The following TMEM178B variants were observed in gnomAD, a reference collection of about 807,000 sequenced individuals.
TMEM178B encodes the protein transmembrane protein 178B.
TMEM178B carries 5 observed loss-of-function variants against 31.0 expected under a neutral mutation model. The observed-to-expected ratio is 0.16, with a 90% CI of 0.08 to 0.34. The LOEUF is 0.34. Ranked by LOEUF, TMEM178B falls within the 10% of genes least tolerant of loss-of-function variation. TMEM178B has a pLI of 1.00. For synonymous variants in TMEM178B, 164 were observed against 164.0 expected (o/e 1.00, Z 0.00); for missense variants, 275 against 400.3 (o/e 0.69, Z 2.67).
At chr7:141,436,896 C>T (rs552939523) in intron 2 of TMEM178B, among the ~76,000 whole-genome samples, 75 of 152,220 alleles carry the variant, frequency 4.9e-4, no homozygotes, top group African/African-American at 1.6e-3. Context: ...GGGGCTGACC[C>T]GGGGGTGGAG....
chr7:141,347,218 C>A (rs1799635475), intron 2 of TMEM178B, among the ~76,000 whole-genome samples: 1 of 152,108 alleles, frequency 6.6e-6, no homozygotes, highest in African/African-American at 2.4e-5. Context: ...CGAGAACAGC[C>A]TAATATACTC....
At chr7:141,210,368 C>A (rs1797034723) in intron 1 of TMEM178B, among the ~76,000 whole-genome samples, 1 of 152,126 alleles carries the variant, frequency 6.6e-6, no homozygotes, top group Non-Finnish European at 1.5e-5. Flanking sequence ...GGGGCTGAGG[C>A]AGGAGAATTG....
chr7:141,371,789 C>T (rs1800121957), intron 2 of TMEM178B, among the ~76,000 whole-genome samples: 1 of 152,156 alleles, frequency 6.6e-6, no homozygotes, highest in African/African-American at 2.4e-5. Flanking sequence ...GCCCATCTGT[C>T]CACCTACACA....
intron 1 of TMEM178B, among the ~76,000 whole-genome samples, chr7:141,204,852 GCT>G (rs1164952406): frequency 2.0e-5 from 3 of 152,108 alleles, no homozygotes; most frequent in Non-Finnish European, 4.4e-5. Flanking sequence ...ACAGGATCTT[GCT>G]CTGTCACCCA....
At chr7:141,096,436 A>G (rs1318499866) in intron 1 of TMEM178B, among the ~76,000 whole-genome samples, 4 of 152,192 alleles carry the variant, frequency 2.6e-5, no homozygotes, top group Non-Finnish European at 5.9e-5. Flanking sequence ...GGGTGACGTT[A>G]GAAGGCAAGG....
At position 141,226,121 on chromosome 7, in the gene TMEM178B, C is replaced by T. The variant is rs183181527; in HGVS notation, c.496+13417C>T. Among the ~76,000 whole-genome samples the T allele has an allele frequency of 1.7e-3, 254 of 152,294 alleles. 2 individuals are homozygous for T. Among genetic ancestry groups the T allele is most frequent in the African/African-American group, 5.4e-3 (226 of 41,552 alleles). On this transcript the variant is annotated intron_variant, in intron 2 of 3. Transcript: ENST00000565468. The stretch of plus-strand genomic sequence containing the variant: ...CCATCCACCACCCCATCCACTGCCT[C>T]ACTCTTGGAGCTTCTAGTGCTGCAC...
At chr7:141,165,996 A>C (rs780866115) in intron 1 of TMEM178B, among the ~76,000 whole-genome samples, 1 of 152,188 alleles carries the variant, frequency 6.6e-6, no homozygotes, top group Non-Finnish European at 1.5e-5. Flanking sequence ...ACAGCCGTGG[A>C]AATGTAGTCT....
intron 2 of TMEM178B, among the ~76,000 whole-genome samples, chr7:141,239,948 AC>A (rs1369905954): frequency 6.6e-6 from 1 of 152,248 alleles, no homozygotes; most frequent in Admixed American, 6.5e-5. Flanking sequence ...TCTTGTAGCC[AC>A]CTAAAAAAAT....
chr7:141,388,375 C>T (rs559481707), intron 2 of TMEM178B, among the ~76,000 whole-genome samples: 16 of 152,290 alleles, frequency 1.1e-4, no homozygotes, highest in Admixed American at 3.3e-4. Context: ...CTAATAATAC[C>T]GCCTGTTTTG....
chr7:141,360,670 T>C (rs1799903057), intron 2 of TMEM178B, among the ~76,000 whole-genome samples: 1 of 152,196 alleles, frequency 6.6e-6, no homozygotes, highest in Non-Finnish European at 1.5e-5. Flanking sequence ...GTTAGCGTTA[T>C]GTAGGATAAA....
chr7:141,249,987 A>G lies in TMEM178B; in HGVS notation c.496+37283A>G, dbSNP rs188149420. ...TTTAAACTTACAAGACCAACATCGT[A>G]GAGATGAATTCTTTTTAAAGAAATA... On this transcript the variant is annotated intron_variant, in intron 2 of 3. Transcript: ENST00000565468. Among the ~76,000 whole-genome samples the G allele has an allele frequency of 7.9e-5, 12 of 152,368 alleles. No homozygotes were observed. In the East Asian group the frequency reaches 2.3e-3, roughly 29 times the overall value.
At chr7:141,134,517 G>A (rs1321290769) in intron 1 of TMEM178B, among the ~76,000 whole-genome samples, 1 of 152,146 alleles carries the variant, frequency 6.6e-6, no homozygotes, top group Non-Finnish European at 1.5e-5. Context: ...ATGAAAGCAG[G>A]TGGTAGAGCA....
At chr7:141,405,737 C>G (rs1279315460) in intron 2 of TMEM178B, among the ~76,000 whole-genome samples, 1 of 152,090 alleles carries the variant, frequency 6.6e-6, no homozygotes, top group Non-Finnish European at 1.5e-5. Flanking sequence ...GGGAAAGGGT[C>G]TACAAAAAAG....
chr7:141,331,372 G>C (rs1338575323), intron 2 of TMEM178B, among the ~76,000 whole-genome samples: 1 of 152,222 alleles, frequency 6.6e-6, no homozygotes, highest in Non-Finnish European at 1.5e-5. Context: ...TGGTCTGTGA[G>C]TTGTTGGAAA....
intron 2 of TMEM178B, among the ~76,000 whole-genome samples, chr7:141,244,475 G>C (rs568393392): frequency 2.6e-5 from 4 of 152,244 alleles, no homozygotes; most frequent in Non-Finnish European, 4.4e-5. Context: ...TGGTGGGCTA[G>C]AAAGGCTATA....
chr7:141,436,568 C>CAG (rs1053595768), intron 2 of TMEM178B, among the ~76,000 whole-genome samples: 5 of 151,842 alleles, frequency 3.3e-5, no homozygotes, highest in Non-Finnish European at 7.4e-5. Flanking sequence ...GTGGCATGAG[C>CAG]AGAGGGTCAG....
At chr7:141,132,352 G>C (rs1441135628) in intron 1 of TMEM178B, among the ~76,000 whole-genome samples, 1 of 152,142 alleles carries the variant, frequency 6.6e-6, no homozygotes, top group Non-Finnish European at 1.5e-5. Flanking sequence ...CCAGCTTTCA[G>C]ATCAGTGCTG....
chr7:141,207,756 G>A (rs902656015), intron 1 of TMEM178B, among the ~76,000 whole-genome samples: 1 of 152,122 alleles, frequency 6.6e-6, no homozygotes, highest in Non-Finnish European at 1.5e-5. Flanking sequence ...CATGACTGAG[G>A]GTTTAAAGTG....
intron 1 of TMEM178B, among the ~76,000 whole-genome samples, chr7:141,112,742 G>A (rs1028661296): frequency 1.3e-5 from 2 of 152,120 alleles, no homozygotes; most frequent in Non-Finnish European, 2.9e-5. Context: ...AAAGAGTGGC[G>A]CTCTCTCTTT....
Sources: allele counts gnomAD v4.1 joint callset (sites outside exome capture counted in the v4.1 genomes callset), GRCh38; gene constraint gnomAD v4.1.1; transcripts MANE v1.5; gene names NCBI Gene and HGNC (gene_info 2026-07-23, HGNC 2026-07-21).